The following FAM163A variants were observed in gnomAD, a reference collection of about 807,000 sequenced individuals.
FAM163A encodes family with sequence similarity 163 member A, also known as protein FAM163A.
Under a neutral mutation model 12.0 loss-of-function variants are expected in FAM163A, and 7 were observed. The ratio of observed to expected loss-of-function variants is 0.58; its 90% CI spans 0.33 to 1.10. The LOEUF (loss-of-function observed/expected upper bound fraction) is 1.10, where lower values mean the gene tolerates loss of function less well. Ranked by LOEUF, FAM163A falls within the 50% of genes least tolerant of loss-of-function variation. The pLI, the probability that FAM163A is intolerant of heterozygous loss-of-function variation, is 0.03. For synonymous variants in FAM163A, 101 were observed against 91.0 expected (o/e 1.11, Z -0.62); for missense variants, 202 against 218.6 (o/e 0.92, Z 0.48).
intron 1 of FAM163A, among the ~76,000 whole-genome samples, chr1:179,765,863 G>A (rs1404200801): frequency 6.6e-6 from 1 of 152,060 alleles, no homozygotes; most frequent in Non-Finnish European, 1.5e-5. Flanking sequence ...CAGAATGGCT[G>A]GCCTGAAATG....
upstream of FAM163A, among the ~76,000 whole-genome samples, chr1:179,739,134 A>G (rs1683336677): frequency 6.6e-6 from 1 of 152,130 alleles, no homozygotes; most frequent in South Asian, 2.1e-4. Context: ...GGAGAAGGAG[A>G]AGGAGCTGCT....
chr1:179,801,583 GTAT>G (rs932301729), intron 1 of FAM163A, among the ~76,000 whole-genome samples: 5 of 152,186 alleles, frequency 3.3e-5, no homozygotes, highest in African/African-American at 4.8e-5. Flanking sequence ...AGAGAAAGGT[GTAT>G]TATTTATCTC....
intron 1 of FAM163A, among the ~76,000 whole-genome samples, chr1:179,806,094 C>T (rs1693898322): frequency 6.6e-6 from 1 of 152,220 alleles, no homozygotes; most frequent in African/African-American, 2.4e-5. Flanking sequence ...ATCTCCTCAG[C>T]AAACCTTCAC....
At chr1:179,809,230 C>T (rs1460201061) in intron 2 of FAM163A, among the ~76,000 whole-genome samples, 3 of 152,136 alleles carry the variant, frequency 2.0e-5, no homozygotes, top group South Asian at 2.1e-4. Context: ...CAGACCTAAA[C>T]AGCCACAACA....
intron 4 of FAM163A, 115 bp downstream of exon 4, chr1:179,813,305 A>T: frequency 9.7e-7 from 1 of 1,033,792 alleles, no homozygotes; most frequent in South Asian, 1.4e-5. Flanking sequence ...AAAGCTATGG[A>T]ATGTAGCAGG....
chr1:179,781,671 C>T (rs1689754925), intron 1 of FAM163A, among the ~76,000 whole-genome samples: 1 of 152,120 alleles, frequency 6.6e-6, no homozygotes, highest in Non-Finnish European at 1.5e-5. Context: ...CGCGGTGGCT[C>T]ATGCCTGTAA....
intron 1 of FAM163A, among the ~76,000 whole-genome samples, chr1:179,805,184 T>C (rs1693751932): frequency 6.6e-6 from 1 of 152,180 alleles, no homozygotes; most frequent in Non-Finnish European, 1.5e-5. Context: ...GATAGCCTTA[T>C]AGTTACTGTA....
intron 1 of FAM163A, among the ~76,000 whole-genome samples, chr1:179,749,786 G>C (rs1257807185): frequency 6.6e-6 from 1 of 152,212 alleles, no homozygotes; most frequent in Admixed American, 6.5e-5. Flanking sequence ...TTGAACCTGG[G>C]AGGTAGAGGT....
intron 1 of FAM163A, among the ~76,000 whole-genome samples, chr1:179,804,246 A>G (rs1055504303): frequency 6.6e-6 from 1 of 152,116 alleles, no homozygotes; most frequent in Non-Finnish European, 1.5e-5. Flanking sequence ...TTTTTAATAC[A>G]TGGCTCAGGT....
upstream of FAM163A, among the ~76,000 whole-genome samples, chr1:179,742,983 A>G (rs1309265167): frequency 1.3e-5 from 2 of 152,142 alleles, no homozygotes; most frequent in African/African-American, 4.8e-5. Flanking sequence ...TAAGATTCTC[A>G]TGCTCTCCGA....
At chr1:179,734,801 T>C in the FAM163A span, among the ~76,000 whole-genome samples, 45 of 152,284 alleles carry the variant, frequency 3.0e-4, no homozygotes, top group Non-Finnish European at 5.0e-4. Context: ...GATGAACCTG[T>C]CTTCAAGTAA....
At chr1:179,765,009 G>T (rs970209513) in intron 1 of FAM163A, among the ~76,000 whole-genome samples, 1 of 152,186 alleles carries the variant, frequency 6.6e-6, no homozygotes, top group African/African-American at 2.4e-5. Flanking sequence ...CACAGAGATC[G>T]CGGGATCTCA....
chr1:179,786,626 C>A (rs78278622), intron 1 of FAM163A, among the ~76,000 whole-genome samples: 3 of 152,166 alleles, frequency 2.0e-5, no homozygotes, highest in Non-Finnish European at 4.4e-5. Flanking sequence ...ATTGAATCCT[C>A]AAGACAACCC....
chr1:179,808,199 T>C (rs1694216529), intron 2 of FAM163A, among the ~76,000 whole-genome samples: 2 of 152,246 alleles, frequency 1.3e-5, no homozygotes, highest in Non-Finnish European at 2.9e-5. Context: ...CTCAGGCACT[T>C]GTTATCCTAT....
At chr1:179,744,541 C>T (rs1684173541) in intron 1 of FAM163A, among the ~76,000 whole-genome samples, 1 of 152,140 alleles carries the variant, frequency 6.6e-6, no homozygotes, top group South Asian at 2.1e-4. Flanking sequence ...TTCCCTCGGT[C>T]AGCGCCCTTT....
intron 1 of FAM163A, among the ~76,000 whole-genome samples, chr1:179,782,827 A>T (rs1689983605): frequency 6.6e-6 from 1 of 152,224 alleles, no homozygotes; most frequent in South Asian, 2.1e-4. Context: ...CAATGTCAGC[A>T]TTGCAATCCA....
At chr1:179,812,608 G>A (rs1051378488) in intron 3 of FAM163A, among the ~76,000 whole-genome samples, 4 of 152,182 alleles carry the variant, frequency 2.6e-5, no homozygotes, top group Non-Finnish European at 4.4e-5. Context: ...GGGTGGAATC[G>A]CAGCCAAATT....
At chr1:179,755,355 G>A (rs897594303) in intron 1 of FAM163A, among the ~76,000 whole-genome samples, 1 of 152,112 alleles carries the variant, frequency 6.6e-6, no homozygotes, top group Non-Finnish European at 1.5e-5. Context: ...GGTCCAAGGT[G>A]GGGCCATGGT....
chr1:179,772,889 T>C (rs140882134), intron 1 of FAM163A, among the ~76,000 whole-genome samples: 1 of 151,390 alleles, frequency 6.6e-6, no homozygotes, highest in African/African-American at 2.4e-5. Context: ...CATATCCTAA[T>C]ACAGACCAGG....
Sources: gnomAD v4.1 joint callset for allele counts (sites outside exome capture counted in the v4.1 genomes callset) on GRCh38, gnomAD v4.1.1 for gene constraint, MANE v1.5 for transcripts, NCBI Gene and HGNC (gene_info 2026-07-23, HGNC 2026-07-21) for gene names.